CNTNAP4: variants seen among roughly 807,000 people sequenced by gnomAD.
The protein encoded by CNTNAP4 is contactin associated protein family member 4.
A neutral mutation model predicts 148.4 loss-of-function variants in CNTNAP4; 98 were observed. The ratio of observed to expected loss-of-function variants is 0.66; its 90% CI spans 0.56 to 0.78. The LOEUF is 0.78. Among genes scored for constraint, CNTNAP4 ranks in the 30% least tolerant of loss-of-function variants. CNTNAP4 has a pLI of 0.00. For missense variants in CNTNAP4, 1,935 were observed against 1,565.6 expected (o/e 1.24, Z -3.98); for synonymous variants, 730 against 565.1 (o/e 1.29, Z -4.14).
At chr16:76,433,618 A>G (rs2079697673) in intron 4 of CNTNAP4, among the ~76,000 whole-genome samples, 3 of 152,182 alleles carry the variant, frequency 2.0e-5, no homozygotes, top group Admixed American at 6.5e-5. Flanking sequence ...AAAACAAAAC[A>G]TTGAAAGACA....
intron 17 of CNTNAP4, among the ~76,000 whole-genome samples, chr16:76,528,692 A>C (rs553489374): frequency 1.3e-4 from 20 of 152,348 alleles, no homozygotes; most frequent in African/African-American, 4.1e-4. Context: ...AAGTGTGTTC[A>C]CATCTCAGAG....
intron 2 of CNTNAP4, among the ~76,000 whole-genome samples, chr16:76,331,328 C>T (rs1262256198): frequency 6.6e-6 from 1 of 151,972 alleles, no homozygotes; most frequent in African/African-American, 2.4e-5. Flanking sequence ...GCTGGGACTG[C>T]AGGCGCCCGC....
At chr16:76,533,952 T>C (rs1356354474) in intron 17 of CNTNAP4, among the ~76,000 whole-genome samples, 1 of 152,220 alleles carries the variant, frequency 6.6e-6, no homozygotes, top group Non-Finnish European at 1.5e-5. Flanking sequence ...GATATAGTTA[T>C]AGCTATGAAT....
At chr16:76,357,499 C>T (rs953329665) in intron 3 of CNTNAP4, among the ~76,000 whole-genome samples, 1 of 152,140 alleles carries the variant, frequency 6.6e-6, no homozygotes, top group Admixed American at 6.5e-5. Context: ...AAAAACATGG[C>T]GTCTATCATA....
At chr16:76,471,136 A>G (rs552520537) in intron 10 of CNTNAP4, among the ~76,000 whole-genome samples, 1 of 152,004 alleles carries the variant, frequency 6.6e-6, no homozygotes, top group African/African-American at 2.4e-5. Context: ...ACACACTCTT[A>G]GAAGCCCTCC....
At chr16:76,489,278 T>C (rs1253672198) in intron 12 of CNTNAP4, among the ~76,000 whole-genome samples, 2 of 152,164 alleles carry the variant, frequency 1.3e-5, no homozygotes, top group South Asian at 2.1e-4. Flanking sequence ...TGATGAATAA[T>C]GTTTTGTAGT....
chr16:76,484,796 A>G (rs907346938), intron 12 of CNTNAP4, among the ~76,000 whole-genome samples: 1 of 152,204 alleles, frequency 6.6e-6, no homozygotes, highest in African/African-American at 2.4e-5. Context: ...CCAATAGCAT[A>G]TCTTCTAGTT....
At chr16:76,280,621 A>G (rs1456949197) in intron 1 of CNTNAP4, among the ~76,000 whole-genome samples, 1 of 152,124 alleles carries the variant, frequency 6.6e-6, no homozygotes, top group African/African-American at 2.4e-5. Flanking sequence ...TGGACTAGCC[A>G]TAATTTTTTT....
At position 76,508,942 on chromosome 16, in the gene CNTNAP4, G is replaced by A. The variant is rs1568445906; in HGVS notation, c.2365+10248G>A. On this transcript the variant is annotated intron_variant, in intron 15 of 23. Transcript: ENST00000611870. ...TAATTTTTCTAATTTTAGTAGAGAC[G>A]TGGTTTCACCATGTTAGCCAGGATG... is the stretch of plus-strand genomic sequence containing the variant. Among the ~76,000 whole-genome samples, 3 of 94,488 alleles carry A rather than the reference G, an allele frequency of 3.2e-5. 1 individual carries two copies. The highest frequency in any genetic ancestry group is 9.0e-5 in the Non-Finnish European group (3 of 33,426). 62.0% of individuals were successfully genotyped at this position (94,488 alleles called of 152,430 possible).
chr16:76,505,261 G>GCAC (rs2082803064), intron 15 of CNTNAP4, among the ~76,000 whole-genome samples: 1 of 41,214 alleles, frequency 2.4e-5, no homozygotes, highest in African/African-American at 3.6e-5. Context: ...TTACTGTGGT[G>GCAC]TACCCACAAT....
intron 8 of CNTNAP4, among the ~76,000 whole-genome samples, chr16:76,460,773 A>AAAAAAAAAAATATATATATATAT: frequency 3.5e-5 from 2 of 57,322 alleles, no homozygotes; most frequent in East Asian, 5.1e-4. Context: ...AAAAAAAAAA[A>AAAAAAAAAAATATATATATATAT]ATATATATAT....
intron 12 of CNTNAP4, among the ~76,000 whole-genome samples, chr16:76,488,280 A>G (rs964288532): frequency 1.3e-5 from 2 of 152,182 alleles, no homozygotes; most frequent in African/African-American, 4.8e-5. Flanking sequence ...CTTCGACATT[A>G]TACTGCTGGC....
intron 3 of CNTNAP4, among the ~76,000 whole-genome samples, chr16:76,390,060 C>T (rs957470161): frequency 2.6e-5 from 4 of 152,140 alleles, no homozygotes; most frequent in Admixed American, 6.5e-5. Flanking sequence ...CAGTATACTT[C>T]GCCATGTCTC....
At chr16:76,287,047 GA>G (rs1202286846) in intron 1 of CNTNAP4, among the ~76,000 whole-genome samples, 1 of 152,138 alleles carries the variant, frequency 6.6e-6, no homozygotes. Flanking sequence ...ATCCTGTTAA[GA>G]AAACTTCATG....
At chr16:76,358,017 A>G (rs914398813) in intron 3 of CNTNAP4, among the ~76,000 whole-genome samples, 11 of 152,130 alleles carry the variant, frequency 7.2e-5, no homozygotes, top group African/African-American at 2.7e-4. Flanking sequence ...AAATTTCTGG[A>G]AGGTATCAAA....
intron 2 of CNTNAP4, among the ~76,000 whole-genome samples, chr16:76,321,631 T>C (rs2144144529): frequency 6.6e-6 from 1 of 151,346 alleles, no homozygotes; most frequent in African/African-American, 2.4e-5. Flanking sequence ...CTACTAAAAA[T>C]ACAAAAAATT....
At chr16:76,540,847 G>A (rs1428098805) in intron 21 of CNTNAP4, 57 bp downstream of exon 21, 3 of 1,234,344 alleles carry the variant, frequency 2.4e-6, no homozygotes, top group African/African-American at 1.5e-5. Flanking sequence ...CATAAGCATG[G>A]ATCAGAAAAG....
intron 17 of CNTNAP4, among the ~76,000 whole-genome samples, chr16:76,522,547 T>TTGCCTGCC (rs750172150): frequency 1.3e-5 from 2 of 151,548 alleles, no homozygotes; most frequent in Admixed American, 1.3e-4. Context: ...TAATTCCTAT[T>TTGCCTGCC]TGCCTGCCTG....
At chr16:76,401,002 G>T (rs959654883) in intron 3 of CNTNAP4, among the ~76,000 whole-genome samples, 2 of 152,076 alleles carry the variant, frequency 1.3e-5, no homozygotes, top group East Asian at 3.9e-4. Context: ...TTTGGATTAG[G>T]ATTGCCTCGG....
Sources: gnomAD v4.1 joint callset for allele counts (sites outside exome capture counted in the v4.1 genomes callset) on GRCh38, gnomAD v4.1.1 for gene constraint, MANE v1.5 for transcripts, NCBI Gene and HGNC (gene_info 2026-07-23, HGNC 2026-07-21) for gene names.